The following PRPSAP2 variants were observed in gnomAD, a reference collection of about 807,000 sequenced individuals.
PRPSAP2 encodes the protein phosphoribosyl pyrophosphate synthetase associated protein 2.
In PRPSAP2, 24 loss-of-function variants were observed where a neutral mutation model predicts 40.6. The observed-to-expected ratio is 0.59, with a 90% confidence interval of 0.43 to 0.83. The LOEUF (loss-of-function observed/expected upper bound fraction) is 0.83. PRPSAP2 is among the 40% of genes least tolerant of loss of function. The pLI is 0.00. For synonymous variants in PRPSAP2, 149 were observed against 164.7 expected, an observed-to-expected ratio of 0.90 and a Z score of 0.73; for missense variants, 292 against 465.6, an observed-to-expected ratio of 0.63 and a Z score of 3.43.
chr17:18,878,191 T>C (rs574309213), intron 6 of PRPSAP2, among the ~76,000 whole-genome samples: 1 of 152,314 alleles, frequency 6.6e-6, no homozygotes, highest in Non-Finnish European at 1.5e-5. Context: ...GCTGAGATTA[T>C]AGTCATGAAC....
chr17:18,858,865 A>G lies in PRPSAP2; in HGVS notation c.-129+604A>G, dbSNP rs149611332. Among the ~76,000 whole-genome samples, 640 of 147,784 alleles carry G rather than the reference A, an allele frequency of 4.3e-3. 7 individuals carry two copies. Among genetic ancestry groups the G allele is most frequent in the African/African-American group, 0.015 (609 of 39,846 alleles). ...ATGGGGCTTTGGGGCTTGAGGTGTG[A>G]TCTCTAGTGTTTAAAAAATTTAATT... On this transcript the variant is annotated intron_variant, in intron 1 of 11. Transcript: ENST00000268835.
At chr17:18,867,177 CTT>C (rs1253933894) in intron 3 of PRPSAP2, 103 bp from the exon 4 acceptor site, 1 of 1,151,744 alleles carries the variant, frequency 8.7e-7, no homozygotes, top group African/African-American at 1.6e-5. Flanking sequence ...AGAAGAATAA[CTT>C]TATTTTATTT....
chr17:18,918,084 C>A (rs1051735351), intron 9 of PRPSAP2, among the ~76,000 whole-genome samples: 6 of 151,810 alleles, frequency 4.0e-5, no homozygotes, highest in East Asian at 1.9e-4. Context: ...GAAAAAAAAA[C>A]CAGAGAAGGA....
chr17:18,885,432 A>G (rs1376891195), intron 7 of PRPSAP2, among the ~76,000 whole-genome samples: 1 of 147,676 alleles, frequency 6.8e-6, no homozygotes, highest in African/African-American at 2.5e-5. Context: ...AAAAAAAATT[A>G]ATATGTGGGA....
chr17:18,869,230 C>G (rs1454192635), intron 4 of PRPSAP2, among the ~76,000 whole-genome samples: 1 of 152,090 alleles, frequency 6.6e-6, no homozygotes, highest in Non-Finnish European at 1.5e-5. Context: ...CTTACTGTTA[C>G]CAGATACTGA....
chr17:18,883,638 G>A (rs2038925696), intron 7 of PRPSAP2, among the ~76,000 whole-genome samples: 1 of 151,728 alleles, frequency 6.6e-6, no homozygotes, highest in Non-Finnish European at 1.5e-5. Flanking sequence ...TGCCTGCCTC[G>A]GCCTCCCAAA....
intron 4 of PRPSAP2, among the ~76,000 whole-genome samples, chr17:18,868,723 A>ATT (rs34924536): frequency 0.42 from 60,679 of 144,258 alleles, 12,830 homozygotes; most frequent in East Asian, 0.51. Flanking sequence ...TTAAAAAAAC[A>ATT]TTTTTTTTTT....
Position 18,865,807 on chromosome 17 carries a change from G to A in PRPSAP2, c.-27G>A, listed in dbSNP as rs1223659845. The stretch of plus-strand genomic sequence containing the variant: ...TAAGTATTATATCCTTCTAGGCTCT[G>A]AAAATTGGAAAACCAAGAAGGTTTT... On this transcript the variant is annotated 5_prime_UTR_variant, in exon 3 of 12. Coordinates refer to ENST00000268835, the MANE Select transcript of PRPSAP2 (RefSeq NM_002767.4). 3 of 1,445,502 alleles carry A rather than the reference G, an allele frequency of 2.1e-6. No homozygotes were observed. The highest frequency in any genetic ancestry group is 2.5e-5 in the East Asian group (1 of 39,548). 89.5% of individuals were successfully genotyped at this position (1,445,502 alleles called of 1,614,324 possible). A position where few individuals can be genotyped will look rare whatever the true frequency, so the allele number is the denominator to read the frequency against.
intron 8 of PRPSAP2, among the ~76,000 whole-genome samples, chr17:18,900,968 A>G (rs2040234283): frequency 6.6e-6 from 1 of 152,010 alleles, no homozygotes; most frequent in African/African-American, 2.4e-5. Context: ...TGAGGGTGAA[A>G]GTCCCAGCTC....
At chr17:18,919,944 A>G (rs182543065) in intron 9 of PRPSAP2, among the ~76,000 whole-genome samples, 1 of 152,278 alleles carries the variant, frequency 6.6e-6, no homozygotes, top group Admixed American at 6.5e-5. Context: ...GAGGGTGTTA[A>G]TAAAGCGTTT....
At chr17:18,908,531 C>T in intron 8 of PRPSAP2, 1 of 755,372 alleles carries the variant, frequency 1.3e-6, no homozygotes, top group Non-Finnish European at 2.5e-6. Context: ...CATCTGCCTC[C>T]TCATGCGGAG....
chr17:18,910,064 A>G (rs1191811272), intron 8 of PRPSAP2, among the ~76,000 whole-genome samples: 1 of 152,204 alleles, frequency 6.6e-6, no homozygotes, highest in Non-Finnish European at 1.5e-5. Flanking sequence ...CAGCAATGAA[A>G]GGGAATGAAC....
chr17:18,930,486 C>T, intron 11 of PRPSAP2, 54 bp from the exon 12 acceptor site: 2 of 1,558,216 alleles, frequency 1.3e-6, no homozygotes, highest in Non-Finnish European at 1.8e-6. Flanking sequence ...CCAGATCAAA[C>T]CATGAAGCTA....
At chr17:18,889,740 C>T in intron 7 of PRPSAP2, 82 bp from the exon 8 acceptor site, 1 of 1,142,576 alleles carries the variant, frequency 8.8e-7, no homozygotes, top group South Asian at 1.7e-5. Context: ...GGAAAACTTT[C>T]AACTAGCCAA....
chr17:18,872,106 T>C (rs2037928738), intron 4 of PRPSAP2, among the ~76,000 whole-genome samples: 2 of 151,944 alleles, frequency 1.3e-5, no homozygotes, highest in Admixed American at 1.3e-4. Context: ...CTGTCTCTAC[T>C]AAAAAAATAC....
At chr17:18,923,089 T>A (rs1006531068) in intron 9 of PRPSAP2, among the ~76,000 whole-genome samples, 1 of 123,512 alleles carries the variant, frequency 8.1e-6, no homozygotes, top group African/African-American at 3.5e-5. Context: ...ATTTATTTAT[T>A]TTTATTTATT....
At chr17:18,891,979 C>T (rs2039572736) in intron 8 of PRPSAP2, among the ~76,000 whole-genome samples, 2 of 152,214 alleles carry the variant, frequency 1.3e-5, no homozygotes, top group Admixed American at 1.3e-4. Context: ...GCCTCATCCT[C>T]CCAGGTAGCT....
At chr17:18,862,922 G>C (rs950999167) in intron 1 of PRPSAP2, among the ~76,000 whole-genome samples, 1 of 151,484 alleles carries the variant, frequency 6.6e-6, no homozygotes, top group Non-Finnish European at 1.5e-5. Context: ...CCAGGTTCAC[G>C]CCATTTTCCT....
At chr17:18,895,075 T>G (rs1305322089) in intron 8 of PRPSAP2, among the ~76,000 whole-genome samples, 1 of 141,178 alleles carries the variant, frequency 7.1e-6, no homozygotes, top group Non-Finnish European at 1.5e-5. Context: ...CCCATATAGA[T>G]GTGTACTTTT....
Sources: allele counts gnomAD v4.1 joint callset (sites outside exome capture counted in the v4.1 genomes callset), GRCh38; gene constraint gnomAD v4.1.1; transcripts MANE v1.5; gene names NCBI Gene and HGNC (gene_info 2026-07-23, HGNC 2026-07-21).